Variants in CNTNAP2 observed in about 807,000 individuals in gnomAD.
CNTNAP2 encodes the protein contactin associated protein 2.
In CNTNAP2, 98 loss-of-function variants were observed where a neutral mutation model predicts 155.2. The observed-to-expected ratio is 0.63, with a 90% CI of 0.54 to 0.75. The LOEUF (loss-of-function observed/expected upper bound fraction) is 0.75, where lower values mean the gene tolerates loss of function less well. Among genes scored for constraint, CNTNAP2 ranks in the 30% least tolerant of loss-of-function variants. The probability of loss-of-function intolerance (pLI) is 0.00; values close to 1 mark genes in which losing one functional copy is unlikely to be tolerated. For synonymous variants in CNTNAP2, 651 were observed against 631.2 expected, an observed-to-expected ratio of 1.03 and a Z score of -0.47; for missense variants, 1,727 against 1,688.1, an observed-to-expected ratio of 1.02 and a Z score of -0.40.
rs1475816906 is a variant in CNTNAP2, at chr7:146,712,014, G to C, written c.98-62257G>C. On this transcript the variant is annotated intron_variant, in intron 1 of 23. Transcript: ENST00000361727. ...ATACACATCTTATGTATACTATATA[G>C]TATACACATCTTATGTATACTATAT... 6.2e-5 allele frequency among the ~76,000 whole-genome samples: 3 copies of C among 48,420 alleles called. 1 individual carries two copies. Among genetic ancestry groups the C allele is most frequent in the African/African-American group, 2.8e-4 (3 of 10,620 alleles). The allele number at this position is 48,420 out of a possible 152,430, so 31.8% of individuals were successfully genotyped here. A position where few individuals can be genotyped will look rare whatever the true frequency, so the allele number is the denominator to read the frequency against.
chr7:147,722,535 G>A (rs1232218099), intron 13 of CNTNAP2, among the ~76,000 whole-genome samples: 1 of 152,024 alleles, frequency 6.6e-6, no homozygotes, highest in Non-Finnish European at 1.5e-5. Context: ...AGCATATGAA[G>A]GGAAATATAT....
At chr7:146,822,487 T>TAA (rs1297038516) in intron 2 of CNTNAP2, among the ~76,000 whole-genome samples, 2 of 144,244 alleles carry the variant, frequency 1.4e-5, no homozygotes, top group African/African-American at 2.5e-5. Flanking sequence ...TACAAAAATT[T>TAA]AAAAAAAAAA....
intron 8 of CNTNAP2, among the ~76,000 whole-genome samples, chr7:147,234,208 A>G (rs1233750606): frequency 6.6e-6 from 1 of 152,140 alleles, no homozygotes; most frequent in Non-Finnish European, 1.5e-5. Flanking sequence ...TCTGTTTTCT[A>G]CAAGCAAGAA....
intron 9 of CNTNAP2, among the ~76,000 whole-genome samples, chr7:147,356,265 A>C (rs1372912725): frequency 1.3e-5 from 2 of 152,162 alleles, no homozygotes. Context: ...TCAATAAAGT[A>C]GGTATTGATG....
At chr7:148,180,361 CTT>C (rs1389145847) in intron 18 of CNTNAP2, among the ~76,000 whole-genome samples, 2 of 151,970 alleles carry the variant, frequency 1.3e-5, no homozygotes, top group Non-Finnish European at 2.9e-5. Flanking sequence ...TCCCTTCTCT[CTT>C]AATGTATTTC....
chr7:146,459,202 A>G (rs1796601405), intron 1 of CNTNAP2, among the ~76,000 whole-genome samples: 1 of 152,178 alleles, frequency 6.6e-6, no homozygotes, highest in South Asian at 2.1e-4. Context: ...TCAAAATAGC[A>G]TCAACATTAA....
chr7:146,795,629 C>A (rs1390500878), intron 2 of CNTNAP2, among the ~76,000 whole-genome samples: 1 of 152,194 alleles, frequency 6.6e-6, no homozygotes, highest in Non-Finnish European at 1.5e-5. Flanking sequence ...CTACATCTAT[C>A]AGACGTTGGT....
At chr7:148,018,861 C>T (rs1802228117) in intron 15 of CNTNAP2, among the ~76,000 whole-genome samples, 1 of 152,246 alleles carries the variant, frequency 6.6e-6, no homozygotes, top group South Asian at 2.1e-4. Flanking sequence ...TTTTCCTGAA[C>T]TCAAACATTG....
intron 13 of CNTNAP2, among the ~76,000 whole-genome samples, chr7:147,699,490 A>G (rs961169492): frequency 6.6e-6 from 1 of 152,006 alleles, no homozygotes; most frequent in African/African-American, 2.4e-5. Flanking sequence ...TAGGAGAAAT[A>G]CCTAATGTAG....
chr7:147,170,656 G>A lies in CNTNAP2; in HGVS notation c.1348+38147G>A, dbSNP rs112551916. On this transcript the variant is annotated intron_variant, in intron 8 of 23. Transcript: ENST00000361727. The stretch of plus-strand genomic sequence containing the variant: ...CTCCTGAGCCATAGGATCCAACCCT[G>A]CAGTGCCAGAACCTGCTCACGGCTC... Among the ~76,000 whole-genome samples, 766 of 152,278 alleles carry A rather than the reference G, an allele frequency of 5.0e-3. 8 individuals are homozygous for A. The highest frequency in any genetic ancestry group is 0.018 in the African/African-American group (733 of 41,536).
chr7:146,527,570 T>C (rs1307604186), intron 1 of CNTNAP2, among the ~76,000 whole-genome samples: 1 of 151,986 alleles, frequency 6.6e-6, no homozygotes, highest in Non-Finnish European at 1.5e-5. Flanking sequence ...AGCTTGGAAA[T>C]TGATGATTTC....
At chr7:146,638,941 C>A (rs1177432353) in intron 1 of CNTNAP2, among the ~76,000 whole-genome samples, 1 of 152,090 alleles carries the variant, frequency 6.6e-6, no homozygotes, top group African/African-American at 2.4e-5. Flanking sequence ...AGGCTACAAA[C>A]CTATATAACA....
chr7:147,299,372 G>A (rs1033942691), intron 8 of CNTNAP2, among the ~76,000 whole-genome samples: 7 of 150,728 alleles, frequency 4.6e-5, no homozygotes, highest in South Asian at 2.1e-4. Flanking sequence ...TCCAAAGATC[G>A]TTGTATCAAG....
At chr7:147,754,870 A>C (rs1223896297) in intron 13 of CNTNAP2, among the ~76,000 whole-genome samples, 1 of 152,212 alleles carries the variant, frequency 6.6e-6, no homozygotes, top group Non-Finnish European at 1.5e-5. Flanking sequence ...ATCCATGTGG[A>C]CTATATTTTC....
In CNTNAP2 at chr7:147,325,092, C is replaced by T. The variant is rs35558422; in HGVS notation, c.1498+24802C>T. On this transcript the variant is annotated intron_variant, in intron 9 of 23. Transcript: ENST00000361727. ...CTGAGACAGGTGAATCACTTGAGGT[C>T]AGGAGTTCAAGACCAGCCTGGCCAA... 7.6e-3 allele frequency among the ~76,000 whole-genome samples: 1,163 copies of T among 152,126 alleles called. 7 individuals carry two copies. The highest frequency in any genetic ancestry group is 0.018 in the South Asian group (85 of 4,804).
chr7:146,946,775 T>A (rs1797185415), intron 3 of CNTNAP2, among the ~76,000 whole-genome samples: 2 of 142,808 alleles, frequency 1.4e-5, no homozygotes, highest in Admixed American at 1.3e-4. Context: ...TTTGATGAAT[T>A]CTTGGAAAGC....
chr7:146,882,742 T>A (rs1795578377), intron 3 of CNTNAP2, among the ~76,000 whole-genome samples: 1 of 152,160 alleles, frequency 6.6e-6, no homozygotes, highest in African/African-American at 2.4e-5. Flanking sequence ...CTCCTAGTGC[T>A]GTACAAAAAT....
chr7:146,255,693 C>T (rs935309129), intron 1 of CNTNAP2, among the ~76,000 whole-genome samples: 1 of 152,092 alleles, frequency 6.6e-6, no homozygotes, highest in Non-Finnish European at 1.5e-5. Flanking sequence ...GTGCTGACTT[C>T]GTTCAGAGGT....
chr7:147,450,813 T>G (rs1797818733), intron 10 of CNTNAP2, among the ~76,000 whole-genome samples: 1 of 152,250 alleles, frequency 6.6e-6, no homozygotes. Flanking sequence ...AATACTTTGT[T>G]GCATTTGTTC....
Sources: allele counts gnomAD v4.1 joint callset (sites outside exome capture counted in the v4.1 genomes callset), GRCh38; gene constraint gnomAD v4.1.1; transcripts MANE v1.5; gene names NCBI Gene and HGNC (gene_info 2026-07-23, HGNC 2026-07-21).